The following DNAJC15 variants were observed in gnomAD, a reference collection of about 807,000 sequenced individuals.
The protein encoded by DNAJC15 is DnaJ heat shock protein family (Hsp40) member C15.
In DNAJC15, 27 loss-of-function variants were observed where a neutral mutation model predicts 22.4. The ratio of observed to expected loss-of-function variants is 1.20; its 90% confidence interval spans 0.89 to 1.66. The LOEUF is 1.66. Ranked by LOEUF, DNAJC15 falls within the 40% of genes most tolerant of loss-of-function variation. The pLI is 0.00. For missense variants in DNAJC15, 208 were observed against 187.1 expected (o/e 1.11, Z -0.65); for synonymous variants, 79 against 63.2 (o/e 1.25, Z -1.19).
At chr13:43,030,427 TC>T (rs1270246499) in intron 1 of DNAJC15, among the ~76,000 whole-genome samples, 7 of 152,182 alleles carry the variant, frequency 4.6e-5, no homozygotes, top group African/African-American at 1.7e-4. Flanking sequence ...AACCTGCACA[TC>T]TAGCTGCAAC....
At position 43,111,330 on chromosome 13, in the gene DNAJC15, A is replaced by C. The variant is rs1316356955; in HGVS notation, c.*4082A>C. ...TTCAAACTGAAAAAAATACATTCTT[A>C]AACAGGAAACTTTTTCCTTCATACT... is the stretch of plus-strand genomic sequence containing the variant. On this transcript the variant is annotated 3_prime_UTR_variant, in exon 6 of 6. Transcript: ENST00000379221. 2 of 152,234 alleles carry C rather than the reference A, an allele frequency of 1.3e-5. No individual in the cohort carries two copies. Among genetic ancestry groups the C allele is most frequent in the African/African-American group, 4.8e-5 (2 of 41,464 alleles). 9.4% of individuals were successfully genotyped at this position (152,234 alleles called of 1,614,324 possible). A position where few individuals can be genotyped will look rare whatever the true frequency, so the allele number is the denominator to read the frequency against.
At position 43,111,366 on chromosome 13, in the gene DNAJC15, CAA is replaced by C. The variant is rs1208929114; in HGVS notation, c.*4119_*4120del. Reference sequence around the variant, plus strand: ...TTTTTCCTTCATACTTTTTAATTAACAAGACATATAAGAGTTGCATTAATGGG... The same window carrying C: ...TTTTTCCTTCATACTTTTTAATTAACGACATATAAGAGTTGCATTAATGGG... On this transcript the variant is annotated 3_prime_UTR_variant, in exon 6 of 6. Transcript: ENST00000379221. 1 of 152,096 alleles carries C rather than the reference CAA, an allele frequency of 6.6e-6. No individual in the cohort carries two copies. Among genetic ancestry groups the C allele is most frequent in the African/African-American group, 2.4e-5 (1 of 41,404 alleles). 9.4% of individuals were successfully genotyped at this position (152,096 alleles called of 1,614,324 possible).
At chr13:43,092,660 C>A (rs73190314) in intron 5 of DNAJC15, among the ~76,000 whole-genome samples, 36,575 of 151,702 alleles carry the variant, frequency 0.24, 4,791 homozygotes, top group Non-Finnish European at 0.3. Flanking sequence ...TTTAAAAGAC[C>A]ATTTATTTTG....
chr13:43,086,279 T>C (rs1480724785), intron 5 of DNAJC15, among the ~76,000 whole-genome samples: 1 of 152,234 alleles, frequency 6.6e-6, no homozygotes, highest in Non-Finnish European at 1.5e-5. Flanking sequence ...TCTGGAAGGC[T>C]CTGAGGCTGA....
At chr13:43,024,893 T>TAAAAAAAAAAAAAAAAA (rs34398144) in intron 1 of DNAJC15, among the ~76,000 whole-genome samples, 7,420 of 84,930 alleles carry the variant, frequency 0.087, 873 homozygotes, top group Non-Finnish European at 0.13. Context: ...CCATCTCTGC[T>TAAAAAAAAAAAAAAAAA]AAAAAAAAAA....
At position 43,107,524 on chromosome 13, in the gene DNAJC15, T is replaced by C. The variant is rs1403251609; in HGVS notation, c.*276T>C. 3 of 161,672 alleles carry C rather than the reference T, an allele frequency of 1.9e-5. No individual in the cohort carries two copies. The highest frequency in any genetic ancestry group is 2.7e-5 in the Non-Finnish European group (2 of 75,320). 10.0% of individuals were successfully genotyped at this position (161,672 alleles called of 1,614,324 possible). A position where few individuals can be genotyped will look rare whatever the true frequency, so the allele number is the denominator to read the frequency against. On this transcript the variant is annotated 3_prime_UTR_variant, in exon 6 of 6. Transcript: ENST00000379221. The stretch of plus-strand genomic sequence containing the variant: ...TTTTGTTATGTTCTGAATTCCCCCC[T>C]ACACACACACACACACACACACACA...
At chr13:43,070,756 T>TGG (rs747164245) in intron 3 of DNAJC15, among the ~76,000 whole-genome samples, 15 of 152,090 alleles carry the variant, frequency 9.9e-5, no homozygotes, top group African/African-American at 1.4e-4. Context: ...CCTTAGGGCC[T>TGG]AATAGACAAT....
chr13:43,031,165 G>A (rs2040402705), intron 1 of DNAJC15, among the ~76,000 whole-genome samples: 1 of 152,178 alleles, frequency 6.6e-6, no homozygotes, highest in African/African-American at 2.4e-5. Context: ...CTTTTCTAAA[G>A]GAGGCAGATC....
At chr13:43,072,129 T>C (rs1196584054) in intron 3 of DNAJC15, among the ~76,000 whole-genome samples, 1 of 152,216 alleles carries the variant, frequency 6.6e-6, no homozygotes, top group Admixed American at 6.5e-5. Flanking sequence ...GACAACCTAT[T>C]GTTTTGGTTT....
chr13:43,103,452 T>C (rs1401360287), intron 5 of DNAJC15, among the ~76,000 whole-genome samples: 1 of 152,256 alleles, frequency 6.6e-6, no homozygotes, highest in East Asian at 1.9e-4. Context: ...AACCTATCTA[T>C]GGTCTAATAG....
At chr13:43,077,983 T>G (rs193243494) in intron 3 of DNAJC15, among the ~76,000 whole-genome samples, 1 of 152,334 alleles carries the variant, frequency 6.6e-6, no homozygotes, top group East Asian at 1.9e-4. Flanking sequence ...GGCAGTTAGA[T>G]TAAATCGAAG....
At chr13:43,047,585 A>T (rs1170885762) in intron 1 of DNAJC15, among the ~76,000 whole-genome samples, 1 of 152,192 alleles carries the variant, frequency 6.6e-6, no homozygotes, top group South Asian at 2.1e-4. Flanking sequence ...GCATGTTAGG[A>T]TACAGGTATT....
chr13:43,027,643 T>G (rs941778121), intron 1 of DNAJC15, among the ~76,000 whole-genome samples: 1 of 151,098 alleles, frequency 6.6e-6, no homozygotes, highest in Non-Finnish European at 1.5e-5. Context: ...GATTATGTAC[T>G]GTATACCCAT....
At chr13:43,083,924 C>T (rs951507911) in intron 4 of DNAJC15, among the ~76,000 whole-genome samples, 9 of 152,174 alleles carry the variant, frequency 5.9e-5, no homozygotes, top group African/African-American at 1.7e-4. Context: ...TCATTTTACT[C>T]ATGGAAGACT....
chr13:43,085,968 C>A, intron 5 of DNAJC15, 130 bp downstream of exon 5: 1 of 724,010 alleles, frequency 1.4e-6, no homozygotes, highest in Non-Finnish European at 2.2e-6. Flanking sequence ...ATTTTTTTCT[C>A]ATAAATGAGC....
At chr13:43,080,452 T>A (rs1047344866) in intron 4 of DNAJC15, among the ~76,000 whole-genome samples, 1 of 152,240 alleles carries the variant, frequency 6.6e-6, no homozygotes, top group Non-Finnish European at 1.5e-5. Context: ...CTTTATCCTG[T>A]CTACCACTGA....
chr13:43,094,640 T>C (rs1055849904), intron 5 of DNAJC15, among the ~76,000 whole-genome samples: 1 of 152,234 alleles, frequency 6.6e-6, no homozygotes, highest in African/African-American at 2.4e-5. Flanking sequence ...ACTTTGCTTC[T>C]ACCCTGTACA....
intron 1 of DNAJC15, among the ~76,000 whole-genome samples, chr13:43,034,337 A>G (rs1426514211): frequency 2.5e-5 from 2 of 79,432 alleles, no homozygotes; most frequent in Non-Finnish European, 4.6e-5. Flanking sequence ...TTTTTTTGAG[A>G]CAGAGTCTCG....
chr13:43,057,831 G>C (rs1260681378), intron 1 of DNAJC15, among the ~76,000 whole-genome samples: 1 of 152,134 alleles, frequency 6.6e-6, no homozygotes, highest in Non-Finnish European at 1.5e-5. Flanking sequence ...CTAGGGATTG[G>C]GCTTCCGGAG....
Sources: allele counts gnomAD v4.1 joint callset (sites outside exome capture counted in the v4.1 genomes callset), GRCh38; gene constraint gnomAD v4.1.1; transcripts MANE v1.5; gene names NCBI Gene and HGNC (gene_info 2026-07-23, HGNC 2026-07-21).